The following SERINC2 variants were observed in gnomAD, a reference collection of about 807,000 sequenced individuals.
SERINC2 encodes the protein serine incorporator 2, also known as tumor differentially expressed protein 2.
In SERINC2, 56 loss-of-function variants were observed where a neutral mutation model predicts 54.2. The observed-to-expected ratio is 1.03, with a 90% CI of 0.83 to 1.29. The LOEUF (loss-of-function observed/expected upper bound fraction) is 1.29. SERINC2 is among the 50% of genes most tolerant of loss of function. The pLI, the probability that SERINC2 is intolerant of heterozygous loss-of-function variation, is 0.00. For synonymous variants in SERINC2, 272 were observed against 253.1 expected (o/e 1.07, Z -0.71); for missense variants, 614 against 607.4 (o/e 1.01, Z -0.12).
chr1:31,412,472 GA>G (rs1319852076), upstream of SERINC2, among the ~76,000 whole-genome samples: 1 of 152,144 alleles, frequency 6.6e-6, no homozygotes, highest in East Asian at 1.9e-4. Context: ...CAGATGGAGA[GA>G]AGGGAGGATG....
At chr1:31,414,614 C>T (rs1557487623) in intron 1 of SERINC2, 3 of 984,892 alleles carry the variant, frequency 3.0e-6, no homozygotes, top group Non-Finnish European at 3.6e-6. Flanking sequence ...TGTGTGTGTG[C>T]GTGTGCATGT....
At chr1:31,418,490 C>T (rs1030727449) in intron 1 of SERINC2, among the ~76,000 whole-genome samples, 1 of 152,120 alleles carries the variant, frequency 6.6e-6, no homozygotes, top group Non-Finnish European at 1.5e-5. Flanking sequence ...AGTCTGCTGC[C>T]TCAACCTCCT....
Position 31,434,414 on chromosome 1 carries a change from A to C in SERINC2, c.*215A>C. The C allele has an allele frequency of 1.8e-6, 1 of 568,048 alleles. No individual in the cohort carries two copies. Among genetic ancestry groups the C allele is most frequent in the East Asian group, 2.9e-5 (1 of 34,328 alleles). The allele number at this position is 568,048 out of a possible 1,614,324, so 35.2% of individuals were successfully genotyped here. A position where few individuals can be genotyped will look rare whatever the true frequency, so the allele number is the denominator to read the frequency against. On this transcript the variant is annotated 3_prime_UTR_variant, in exon 10 of 10. Coordinates refer to ENST00000373709, the MANE Select transcript of SERINC2 (RefSeq NM_178865.5). ...CTGCAGAGCCCCATCCCCCCGCCAC[A>C]CCCACACGGTGGAGCTGCCTCTTCC...
At position 31,413,354 on chromosome 1, in the gene SERINC2, C is replaced by A; in HGVS notation, c.39+50C>A. 2 of 1,013,462 alleles carry A rather than the reference C, an allele frequency of 2.0e-6. No individual in the cohort carries two copies. The highest frequency in any genetic ancestry group is 2.5e-6 in the Non-Finnish European group (2 of 786,398). The allele number at this position is 1,013,462 out of a possible 1,614,324, so 62.8% of individuals were successfully genotyped here. A position where few individuals can be genotyped will look rare whatever the true frequency, so the allele number is the denominator to read the frequency against. Reference sequence around the variant, plus strand: ...CCGCGCGCGCCGCCCGTTCCTGCTGCGGGCCCTCACTTTCTTCTGTTCTGC... The same window carrying A: ...CCGCGCGCGCCGCCCGTTCCTGCTGAGGGCCCTCACTTTCTTCTGTTCTGC... On this transcript the variant is annotated intron_variant, in intron 1 of 9. Coordinates refer to ENST00000373709, the MANE Select transcript of SERINC2 (RefSeq NM_178865.5). The surrounding 1 kb of genome is among the most constrained non-coding windows in gnomAD (Gnocchi z 5.0).
At chr1:31,426,968 A>C in intron 6 of SERINC2, 145 bp downstream of exon 6, 1 of 704,746 alleles carries the variant, frequency 1.4e-6, no homozygotes, top group East Asian at 2.6e-5. Context: ...TCCCCAGGTT[A>C]TAGTCAGGCT....
intron 9 of SERINC2, among the ~76,000 whole-genome samples, chr1:31,433,574 G>T (rs986012536): frequency 1.3e-5 from 2 of 152,160 alleles, no homozygotes; most frequent in Non-Finnish European, 2.9e-5. Flanking sequence ...GTCTGGGGCT[G>T]GGATTGTGGT....
chr1:31,431,118 C>T (rs1641184820), intron 8 of SERINC2, among the ~76,000 whole-genome samples: 1 of 151,138 alleles, frequency 6.6e-6, no homozygotes, highest in African/African-American at 2.4e-5. Flanking sequence ...CCTTCCCCTC[C>T]CCCCTCCTCT....
intron 6 of SERINC2, among the ~76,000 whole-genome samples, chr1:31,428,165 G>A (rs1010038291): frequency 1.3e-5 from 2 of 151,480 alleles, no homozygotes; most frequent in Middle Eastern, 3.2e-3. Flanking sequence ...TCAGCCTCCC[G>A]AGTAGCTGGG....
At position 31,433,057 on chromosome 1, in the gene SERINC2, G is replaced by GCAC. The variant is rs1553135048; in HGVS notation, c.1104_1105insCAC (p.Gln368_Val369insHis). On this transcript the variant is annotated inframe_insertion, in exon 9 of 10. Transcript: ENST00000373709. ...TAGACGCCACACAGCAGCAGCAGCA[G>GCAC]GTGGCAGCCTGTGAGGGCCGGGCCT... 1 of 1,613,050 alleles carries GCAC rather than the reference G, an allele frequency of 6.2e-7. No homozygotes were observed.
rs145735839 is a variant in SERINC2, at chr1:31,430,224, A to C, written c.1013+686A>C. ...ATGAATCAGTATGTGTAAAACACTT[A>C]GAAAGGGGCCAGGCATGGTGGCTCA... On this transcript the variant is annotated intron_variant, in intron 8 of 9. Coordinates refer to ENST00000373709, the MANE Select transcript of SERINC2 (RefSeq NM_178865.5). 2.1e-4 allele frequency among the ~76,000 whole-genome samples: 32 copies of C among 152,290 alleles called. No homozygotes were observed. The East Asian group carries it at 5.2e-3, about 25-fold the overall frequency.
chr1:31,412,602 G>C (rs1349996013), upstream of SERINC2, among the ~76,000 whole-genome samples: 1 of 152,148 alleles, frequency 6.6e-6, no homozygotes, highest in Admixed American at 6.5e-5. Flanking sequence ...CCAGGAGGTC[G>C]AGGCTGCAGT....
At chr1:31,428,420 G>C (rs1471448711) in intron 6 of SERINC2, among the ~76,000 whole-genome samples, 2 of 152,288 alleles carry the variant, frequency 1.3e-5, no homozygotes, top group Non-Finnish European at 2.9e-5. Flanking sequence ...CAGGCAACAG[G>C]GGACTAGGCC....
In SERINC2 at chr1:31,432,138, C is replaced by CAGGGTGGAG. The variant is rs1641296856; in HGVS notation, c.1014-821_1014-820insGAGGGTGGA. On this transcript the variant is annotated intron_variant, in intron 8 of 9. Coordinates refer to ENST00000373709, the MANE Select transcript of SERINC2 (RefSeq NM_178865.5). ...GGGTGGTTAGGGTGGATAGGGTGGA[C>CAGGGTGGAG]AGGGTGGACAGGGTGGACAGGGTGG... 7.3e-4 allele frequency among the ~76,000 whole-genome samples: 4 copies of CAGGGTGGAG among 5,512 alleles called. 1 individual carries two copies. Among genetic ancestry groups the CAGGGTGGAG allele is most frequent in the South Asian group, 0.015 (2 of 132 alleles). The allele number at this position is 5,512 out of a possible 152,430, so 3.6% of individuals were successfully genotyped here. A position where few individuals can be genotyped will look rare whatever the true frequency, so the allele number is the denominator to read the frequency against.
Position 31,413,232 on chromosome 1 carries a change from C to G in SERINC2, c.-34C>G, listed in dbSNP as rs782706646. ...GATCCCGAGGTCCGCGCCCCGCGCCCGGCGCCGGGCGCCCGAAGCCGGGAG... is the reference window on the plus strand; with the variant it reads ...GATCCCGAGGTCCGCGCCCCGCGCCGGGCGCCGGGCGCCCGAAGCCGGGAG... On this transcript the variant is annotated 5_prime_UTR_variant, in exon 1 of 10. Coordinates refer to ENST00000373709, the MANE Select transcript of SERINC2 (RefSeq NM_178865.5). This position sits in a 1 kb window ranked among gnomAD's most constrained non-coding sequence, Gnocchi z 5.0. 1.8e-6 allele frequency: 2 copies of G among 1,132,754 alleles called. No homozygotes were observed. Among genetic ancestry groups the G allele is most frequent in the Non-Finnish European group, 1.1e-6 (1 of 927,780 alleles). 70.2% of individuals were successfully genotyped at this position (1,132,754 alleles called of 1,614,324 possible).
chr1:31,429,685 C>G (rs1467379799), intron 8 of SERINC2, 147 bp downstream of exon 8: 22 of 904,802 alleles, frequency 2.4e-5, no homozygotes, highest in Non-Finnish European at 3.2e-5. Context: ...GGAGGGGAAA[C>G]TGAGTCCCTC....
chr1:31,424,589 C>A (rs1181187093), intron 2 of SERINC2, 94 bp from the exon 3 acceptor site: 3 of 1,093,736 alleles, frequency 2.7e-6, no homozygotes, highest in African/African-American at 1.6e-5. Context: ...TCTTTCCTGG[C>A]CGGCCTTGGG....
chr1:31,433,027 T>C lies in SERINC2; in HGVS notation c.1074T>C (p.Pro358=). 1 of 1,582,612 alleles carries C rather than the reference T, an allele frequency of 6.3e-7. No individual in the cohort carries two copies. The highest frequency in any genetic ancestry group is 8.5e-7 in the Non-Finnish European group (1 of 1,169,670). ...TGATGCAGACCGAGGAGTGCCCACC[T>C]ATGCTAGACGCCACACAGCAGCAGC... ...NSLMQTEECP[P]MLDATQQQQQ... The change falls in exon 9 of 10, where the codon CCT becomes CCC. Residue 358 remains proline, a synonymous_variant. Coordinates refer to ENST00000373709, the MANE Select transcript of SERINC2 (RefSeq NM_178865.5).
chr1:31,421,325 A>G (rs1640897942), intron 1 of SERINC2, among the ~76,000 whole-genome samples: 1 of 152,020 alleles, frequency 6.6e-6, no homozygotes, highest in East Asian at 1.9e-4. Flanking sequence ...TCCTGGTACC[A>G]GAAAGGTTTG....
At chr1:31,425,704 C>T in intron 4 of SERINC2, 72 bp from the exon 5 acceptor site, 1 of 1,548,654 alleles carries the variant, frequency 6.5e-7, no homozygotes, top group Non-Finnish European at 8.8e-7. Flanking sequence ...CAGGGTGTAG[C>T]AGAAAACGCT....
Sources: gnomAD v4.1 joint callset for allele counts (sites outside exome capture counted in the v4.1 genomes callset) on GRCh38, gnomAD v4.1.1 for gene constraint, Gnocchi (gnomAD v3.1) non-coding constraint, MANE v1.5 for transcripts, NCBI Gene and HGNC (gene_info 2026-07-23, HGNC 2026-07-21) for gene names.